The following NEDD9 variants were observed in gnomAD, a reference collection of about 807,000 sequenced individuals.
NEDD9 encodes neural precursor cell expressed, developmentally down-regulated 9.
Under a neutral mutation model 76.6 loss-of-function variants are expected in NEDD9, and 26 were observed. The observed-to-expected ratio is 0.34, with a 90% CI of 0.25 to 0.47. The LOEUF (loss-of-function observed/expected upper bound fraction) is 0.47, where lower values mean the gene tolerates loss of function less well. Ranked by LOEUF, NEDD9 falls within the 20% of genes least tolerant of loss-of-function variation. NEDD9 has a pLI of 1.00. For synonymous variants in NEDD9, 392 were observed against 414.2 expected (o/e 0.95, Z 0.65); for missense variants, 937 against 1,058.5 (o/e 0.89, Z 1.59).
At chr6:11,334,202 A>G (rs1348659936) in intron 2 of NEDD9, among the ~76,000 whole-genome samples, 1 of 152,248 alleles carries the variant, frequency 6.6e-6, no homozygotes, top group African/African-American at 2.4e-5. Flanking sequence ...CTATATATGT[A>G]CATAGATATG....
intron 1 of NEDD9, among the ~76,000 whole-genome samples, chr6:11,232,162 C>T (rs1759487564): frequency 6.6e-6 from 1 of 152,172 alleles, no homozygotes; most frequent in Non-Finnish European, 1.5e-5. Context: ...CTGGGGAAGC[C>T]AAGGAGACTT....
At chr6:11,301,534 A>T (rs1761044142) in intron 3 of NEDD9, among the ~76,000 whole-genome samples, 1 of 152,208 alleles carries the variant, frequency 6.6e-6, no homozygotes. Context: ...ACATCTACAG[A>T]ACTCTCCACC....
Position 11,213,519 on chromosome 6 carries a change from T to G in NEDD9, c.221A>C (p.His74Pro). Reference sequence around the variant, plus strand: ...CATCAGTCCAGAGGCAGGCTGCTCGTGACTGGAGGCAGTCTCCTGCATGGG... The same window carrying G: ...CATCAGTCCAGAGGCAGGCTGCTCGGGACTGGAGGCAGTCTCCTGCATGGG... Reference protein sequence around the residue: ...IGPMQETASSHEQPASGLMQQ... With the variant: ...IGPMQETASSPEQPASGLMQQ... Residue 74 changes from histidine (H) to proline (P), a missense_variant, in exon 2 of 7, where the codon CAC (histidine) becomes CCC (proline). Transcript: ENST00000379446. The surrounding 1 kb of genome is among the most constrained non-coding windows in gnomAD (Gnocchi z 5.4). The G allele has an allele frequency of 6.2e-7, 1 of 1,614,200 alleles. No homozygotes were observed. The highest frequency in any genetic ancestry group is 8.5e-7 in the Non-Finnish European group (1 of 1,180,040).
At chr6:11,317,289 T>C (rs1036987226) in intron 2 of NEDD9, among the ~76,000 whole-genome samples, 1 of 151,430 alleles carries the variant, frequency 6.6e-6, no homozygotes, top group Non-Finnish European at 1.5e-5. Flanking sequence ...AAAAATTAGC[T>C]GGGTATGGGG....
chr6:11,205,538 C>T (rs1758583102), intron 2 of NEDD9, among the ~76,000 whole-genome samples: 2 of 152,112 alleles, frequency 1.3e-5, no homozygotes, highest in South Asian at 2.1e-4. Context: ...TTGCTAAAGG[C>T]TTCTTTGCTT....
chr6:11,353,630 T>C (rs939048955), intron 1 of NEDD9, among the ~76,000 whole-genome samples: 17 of 152,244 alleles, frequency 1.1e-4, no homozygotes, highest in Non-Finnish European at 2.2e-4. Flanking sequence ...TAACAGCAGC[T>C]CTGGGAAGCT....
chr6:11,225,355 C>T (rs1759279095), intron 1 of NEDD9, among the ~76,000 whole-genome samples: 2 of 152,134 alleles, frequency 1.3e-5, no homozygotes, highest in South Asian at 4.1e-4. Flanking sequence ...TGCAAAGAAA[C>T]ATGACACTTA....
At chr6:11,359,522 G>T (rs1230078098) in intron 1 of NEDD9, among the ~76,000 whole-genome samples, 1 of 152,242 alleles carries the variant, frequency 6.6e-6, no homozygotes, top group Non-Finnish European at 1.5e-5. Flanking sequence ...CTACAGATAT[G>T]CCAGTTCAAA....
chr6:11,214,452 C>T (rs1159836587), intron 1 of NEDD9, among the ~76,000 whole-genome samples: 2 of 152,202 alleles, frequency 1.3e-5, no homozygotes, highest in Non-Finnish European at 2.9e-5. Flanking sequence ...CCTGAGGGCC[C>T]CTCCTCGCCC....
At chr6:11,289,507 C>T (rs2049959) in intron 3 of NEDD9, among the ~76,000 whole-genome samples, 6,023 of 152,206 alleles carry the variant, frequency 0.04, 407 homozygotes, top group African/African-American at 0.13. Flanking sequence ...GGCTGGAATG[C>T]AGTGGCGCGA....
chr6:11,333,298 G>A (rs1561838460), intron 2 of NEDD9, among the ~76,000 whole-genome samples: 1 of 152,178 alleles, frequency 6.6e-6, no homozygotes, highest in Non-Finnish European at 1.5e-5. Context: ...TTCTGAAGAG[G>A]CACAGGAGCG....
chr6:11,380,654 A>G (rs1295488249), intron 1 of NEDD9, among the ~76,000 whole-genome samples: 2 of 152,136 alleles, frequency 1.3e-5, no homozygotes, highest in African/African-American at 2.4e-5. Context: ...AATGTTTGCT[A>G]TTCAATCTAA....
At chr6:11,236,332 G>T (rs1759599658), upstream of NEDD9, among the ~76,000 whole-genome samples, 1 of 152,158 alleles carries the variant, frequency 6.6e-6, no homozygotes, top group African/African-American at 2.4e-5. The surrounding 1 kb of genome is among the most constrained non-coding windows in gnomAD (Gnocchi z 5.5). Context: ...CTTCCTTCCA[G>T]ATGCTTGTGC....
At chr6:11,353,838 A>G (rs983795792) in intron 1 of NEDD9, among the ~76,000 whole-genome samples, 2 of 152,258 alleles carry the variant, frequency 1.3e-5, no homozygotes, top group Non-Finnish European at 2.9e-5. Flanking sequence ...AAAATTGCCT[A>G]AAAAGGCCCA....
intron 1 of NEDD9, among the ~76,000 whole-genome samples, chr6:11,373,578 T>A (rs1375070664): frequency 6.6e-6 from 1 of 152,244 alleles, no homozygotes; most frequent in Non-Finnish European, 1.5e-5. Context: ...TCTGGCTGGC[T>A]TTCCTGCTGA....
chr6:11,188,782 C>G (rs1758045403), intron 5 of NEDD9, among the ~76,000 whole-genome samples: 1 of 152,144 alleles, frequency 6.6e-6, no homozygotes, highest in African/African-American at 2.4e-5. Context: ...CACTTCCTTC[C>G]TCAGCATCAG....
chr6:11,346,890 C>T (rs1003816872), intron 1 of NEDD9, among the ~76,000 whole-genome samples: 1 of 152,144 alleles, frequency 6.6e-6, no homozygotes, highest in African/African-American at 2.4e-5. Context: ...TTAGTCAGGA[C>T]TGGCCTGAAA....
chr6:11,227,916 G>A (rs1173860486), intron 1 of NEDD9, among the ~76,000 whole-genome samples: 3 of 152,124 alleles, frequency 2.0e-5, no homozygotes, highest in African/African-American at 4.8e-5. Context: ...CTTTACTAGC[G>A]GGACTGACAG....
At chr6:11,193,549 T>C in intron 3 of NEDD9, 42 bp downstream of exon 3, 2 of 1,476,878 alleles carry the variant, frequency 1.4e-6, no homozygotes, top group Non-Finnish European at 1.9e-6. Flanking sequence ...AATGCTACCC[T>C]TAGAAGCGCT....
Sources: allele counts gnomAD v4.1 joint callset (sites outside exome capture counted in the v4.1 genomes callset), GRCh38; gene constraint gnomAD v4.1.1; non-coding constraint Gnocchi (gnomAD v3.1); transcripts MANE v1.5; gene names NCBI Gene and HGNC (gene_info 2026-07-23, HGNC 2026-07-21).